WWP1: variants seen among roughly 807,000 people sequenced by gnomAD.
WWP1 encodes WW domain containing E3 ubiquitin protein ligase 1.
Under a neutral mutation model 130.6 loss-of-function variants are expected in WWP1, and 49 were observed. The observed-to-expected ratio is 0.38, with a 90% CI of 0.30 to 0.48. The LOEUF (loss-of-function observed/expected upper bound fraction) is 0.48. WWP1 is among the 20% of genes least tolerant of loss of function. The probability of loss-of-function intolerance (pLI) is 0.99; values close to 1 mark genes in which losing one functional copy is unlikely to be tolerated. For synonymous variants in WWP1, 332 were observed against 367.8 expected (o/e 0.90, Z 1.11); for missense variants, 809 against 1,100.6 (o/e 0.74, Z 3.75).
chr8:86,453,108 A>G (rs73257079), intron 21 of WWP1, among the ~76,000 whole-genome samples: 2,110 of 152,270 alleles, frequency 0.014, 52 homozygotes, highest in African/African-American at 0.048. Context: ...TAAGTGTTCA[A>G]TAATGTTAAA....
At chr8:86,412,019 C>CAAGTAAA in intron 9 of WWP1, 145 bp downstream of exon 9, 1 of 799,070 alleles carries the variant, frequency 1.3e-6, no homozygotes, top group Non-Finnish European at 1.9e-6. Flanking sequence ...TATTTACTTG[C>CAAGTAAA]TACAAAACAA....
intron 18 of WWP1, among the ~76,000 whole-genome samples, chr8:86,446,963 A>C (rs887058676): frequency 6.6e-6 from 1 of 152,198 alleles, no homozygotes. Flanking sequence ...TCCTCTGTGA[A>C]ATAGGAAGTA....
At chr8:86,356,515 T>C (rs1823268303) in intron 1 of WWP1, among the ~76,000 whole-genome samples, 1 of 151,688 alleles carries the variant, frequency 6.6e-6, no homozygotes, top group Admixed American at 6.6e-5. Flanking sequence ...TATAACAAAC[T>C]GAGAAATTAT....
chr8:86,389,717 C>T (rs894513202), intron 5 of WWP1, among the ~76,000 whole-genome samples: 42 of 152,194 alleles, frequency 2.8e-4, no homozygotes, highest in Admixed American at 2.7e-3. Flanking sequence ...CTCCTCACTT[C>T]CCAGACGGGG....
At position 86,364,433 on chromosome 8, in the gene WWP1, T is replaced by C. The variant is rs559446364; in HGVS notation, c.-114-4506T>C. On this transcript the variant is annotated intron_variant, in intron 1 of 24. Coordinates refer to ENST00000517970, the MANE Select transcript of WWP1 (RefSeq NM_007013.4). ...TGTATGGTGCATTTTAATGTAAGAA[T>C]ATGTTTTGCTTACATTATACATGTT... is the stretch of plus-strand genomic sequence containing the variant. Among the ~76,000 whole-genome samples, 100 of 152,316 alleles carry C rather than the reference T, an allele frequency of 6.6e-4. 1 individual carries two copies. The highest frequency in any genetic ancestry group is 2.3e-3 in the African/African-American group (97 of 41,558).
At chr8:86,378,436 G>T (rs1374549909) in intron 3 of WWP1, among the ~76,000 whole-genome samples, 1 of 151,868 alleles carries the variant, frequency 6.6e-6, no homozygotes, top group African/African-American at 2.4e-5. Flanking sequence ...ATGTTATTGT[G>T]AGTGGGATTT....
chr8:86,458,098 C>T, intron 22 of WWP1, 73 bp downstream of exon 22: 1 of 1,260,638 alleles, frequency 7.9e-7, no homozygotes. Context: ...TTAAAAATAG[C>T]TTATTATTTT....
intron 1 of WWP1, among the ~76,000 whole-genome samples, chr8:86,349,521 C>G (rs946774174): frequency 6.6e-6 from 1 of 152,178 alleles, no homozygotes; most frequent in Non-Finnish European, 1.5e-5. Flanking sequence ...ACAGGACTTA[C>G]GGAAAACTGT....
At chr8:86,386,212 A>G (rs567188276) in intron 5 of WWP1, among the ~76,000 whole-genome samples, 2 of 152,256 alleles carry the variant, frequency 1.3e-5, no homozygotes, top group East Asian at 1.9e-4. Context: ...ATAATTATAC[A>G]TTTGTTTAGT....
At chr8:86,414,459 T>G (rs1050011350) in intron 9 of WWP1, among the ~76,000 whole-genome samples, 3 of 152,130 alleles carry the variant, frequency 2.0e-5, no homozygotes, top group Non-Finnish European at 4.4e-5. Context: ...TGTGGGGAGA[T>G]AGAATAGAAA....
At chr8:86,417,369 TC>T (rs1392020055) in intron 9 of WWP1, 1 of 152,170 alleles carries the variant, frequency 6.6e-6, no homozygotes, top group Non-Finnish European at 1.5e-5. Flanking sequence ...ATTTGCCTAC[TC>T]CTTATCTAGT....
At chr8:86,382,993 T>TA (rs1382938539) in intron 5 of WWP1, among the ~76,000 whole-genome samples, 3 of 152,230 alleles carry the variant, frequency 2.0e-5, no homozygotes, top group Non-Finnish European at 4.4e-5. Flanking sequence ...ACATGTAACT[T>TA]AAAGATCTGT....
rs150804969 is a variant in WWP1, at chr8:86,361,443, G to A, written c.-114-7496G>A. 3.1e-3 allele frequency among the ~76,000 whole-genome samples: 464 copies of A among 152,064 alleles called. 2 individuals are homozygous for A. The highest frequency in any genetic ancestry group is 0.011 in the African/African-American group (442 of 41,470). ...GGCTACCCTTACAACACTGTCAAAG[G>A]GGTTTTTCTAAAATACACATATATT... On this transcript the variant is annotated intron_variant, in intron 1 of 24. Coordinates refer to ENST00000517970, the MANE Select transcript of WWP1 (RefSeq NM_007013.4).
chr8:86,349,834 G>A (rs558012055), intron 1 of WWP1, among the ~76,000 whole-genome samples: 2 of 151,858 alleles, frequency 1.3e-5, no homozygotes, highest in South Asian at 2.1e-4. Context: ...TGATTTACCC[G>A]ATCTCGTGAA....
intron 21 of WWP1, 100 bp from the exon 22 acceptor site, chr8:86,457,821 A>G (rs1006279050): frequency 1.3e-5 from 13 of 1,037,938 alleles, no homozygotes; most frequent in South Asian, 1.1e-4. Flanking sequence ...AGCTTTTCAC[A>G]TAATTTGCCA....
In WWP1 at chr8:86,467,993, G is replaced by A. The variant is rs1444069859; in HGVS notation, c.*1100G>A. 6.5e-6 allele frequency: 1 copy of A among 153,748 alleles called. No homozygotes were observed. Among genetic ancestry groups the A allele is most frequent in the Admixed American group, 6.5e-5 (1 of 15,306 alleles). The allele number at this position is 153,748 out of a possible 1,614,324, so 9.5% of individuals were successfully genotyped here. A position where few individuals can be genotyped will look rare whatever the true frequency, so the allele number is the denominator to read the frequency against. On this transcript the variant is annotated 3_prime_UTR_variant, in exon 25 of 25. Transcript: ENST00000517970. ...CCTTTTTACACAGATAATTATTTTT[G>A]TCATAACACTTTTTAATTGTTTTTC...
intron 8 of WWP1, among the ~76,000 whole-genome samples, chr8:86,402,937 C>T (rs905190775): frequency 2.6e-5 from 4 of 152,054 alleles, no homozygotes; most frequent in Non-Finnish European, 4.4e-5. Flanking sequence ...AAATGTACTG[C>T]GAGTTGAATA....
intron 2 of WWP1, among the ~76,000 whole-genome samples, chr8:86,369,668 A>T (rs1471182961): frequency 6.6e-6 from 1 of 152,132 alleles, no homozygotes; most frequent in Non-Finnish European, 1.5e-5. Flanking sequence ...TTAATTCCCT[A>T]ATAAGGTTCT....
At chr8:86,354,703 TAATTTCTA>T (rs1823152945) in intron 1 of WWP1, among the ~76,000 whole-genome samples, 1 of 152,194 alleles carries the variant, frequency 6.6e-6, no homozygotes, top group Non-Finnish European at 1.5e-5. Flanking sequence ...TTCTTAAATG[TAATTTCTA>T]ATCCTTACTG....
Sources: gnomAD v4.1 joint callset for allele counts (sites outside exome capture counted in the v4.1 genomes callset) on GRCh38, gnomAD v4.1.1 for gene constraint, MANE v1.5 for transcripts, NCBI Gene and HGNC (gene_info 2026-07-23, HGNC 2026-07-21) for gene names.